Variants in ZZEF1 observed in about 807,000 individuals in gnomAD.
The protein encoded by ZZEF1 is zinc finger ZZ-type and EF-hand domain containing 1.
Under a neutral mutation model 342.8 loss-of-function variants are expected in ZZEF1, and 157 were observed. The observed-to-expected ratio is 0.46, with a 90% CI of 0.40 to 0.52. The LOEUF is 0.52. Among genes scored for constraint, ZZEF1 ranks in the 20% least tolerant of loss-of-function variants. The pLI is 0.00. For synonymous variants in ZZEF1, 1,505 were observed against 1,429.1 expected (o/e 1.05, Z -1.20); for missense variants, 3,480 against 3,725.6 (o/e 0.93, Z 1.72).
chr17:4,055,518 G>A (rs1208390315), intron 33 of ZZEF1, among the ~76,000 whole-genome samples: 1 of 152,110 alleles, frequency 6.6e-6, no homozygotes, highest in Non-Finnish European at 1.5e-5. Flanking sequence ...TATACATAAC[G>A]GCTGCTCCCA....
At chr17:4,130,596 G>A (rs754257736) in intron 1 of ZZEF1, among the ~76,000 whole-genome samples, 40 of 152,136 alleles carry the variant, frequency 2.6e-4, no homozygotes, top group Non-Finnish European at 4.1e-4. Flanking sequence ...TAAGGAAACC[G>A]GGAGAGAAAA....
At chr17:4,082,333 C>G in intron 17 of ZZEF1, 104 bp downstream of exon 17, 1 of 1,069,270 alleles carries the variant, frequency 9.4e-7, no homozygotes. Context: ...AACTGAGTGG[C>G]AGGAAGTACT....
At chr17:4,061,000 C>T (rs1304326225) in intron 30 of ZZEF1, among the ~76,000 whole-genome samples, 1 of 152,216 alleles carries the variant, frequency 6.6e-6, no homozygotes, top group Non-Finnish European at 1.5e-5. Flanking sequence ...CCTCAGTTGA[C>T]CTCACATCGC....
chr17:4,095,015 A>G (rs1027823380), intron 11 of ZZEF1, among the ~76,000 whole-genome samples: 1 of 152,062 alleles, frequency 6.6e-6, no homozygotes. Flanking sequence ...TTCCCCTCAC[A>G]TGATGCTTTA....
intron 43 of ZZEF1, among the ~76,000 whole-genome samples, chr17:4,023,723 T>G (rs1214701118): frequency 6.6e-6 from 1 of 151,500 alleles, no homozygotes; most frequent in Non-Finnish European, 1.5e-5. Context: ...TCCCAGCTAC[T>G]TGGGAGGCTG....
chr17:4,138,880 CTG>C (rs1439088171), intron 1 of ZZEF1, among the ~76,000 whole-genome samples: 6 of 152,344 alleles, frequency 3.9e-5, no homozygotes, highest in African/African-American at 1.2e-4. Context: ...TGTGAGCAAA[CTG>C]AGAGAGTCCC....
Position 4,070,888 on chromosome 17 carries a change from G to T in ZZEF1, c.3871C>A (p.Leu1291Ile). The T allele has an allele frequency of 6.2e-7, 1 of 1,613,992 alleles. No homozygotes were observed. The highest frequency in any genetic ancestry group is 8.5e-7 in the Non-Finnish European group (1 of 1,179,982). Residue 1291 changes from leucine (L) to isoleucine (I), a missense_variant, in exon 26 of 55, where the codon CTT becomes ATT. Leu to Ile is a conservative substitution (Grantham distance 5). Transcript: ENST00000381638. ...NIPDDPCRHF[L>I]LDFAQSEPAQ... ...GGCTCTGACTGGGCAAAATCAAGAAGAAAATGGCGGCAGGGGTCGTCAGGA... is the reference window on the plus strand; with the variant it reads ...GGCTCTGACTGGGCAAAATCAAGAATAAAATGGCGGCAGGGGTCGTCAGGA...
Position 4,008,976 on chromosome 17 carries a change from T to C in ZZEF1, c.8734-22A>G. The C allele has an allele frequency of 1.3e-6, 2 of 1,538,296 alleles. No individual in the cohort carries two copies. Among genetic ancestry groups the C allele is most frequent in the Non-Finnish European group, 1.7e-6 (2 of 1,146,646 alleles). On this transcript the variant is annotated intron_variant, in intron 53 of 54. Transcript: ENST00000381638. The surrounding 1 kb of genome is among the most constrained non-coding windows in gnomAD (Gnocchi z 4.2). ...GCTCCTGCAGAGAGAGAGCAGGGGC[T>C]GTGAGTGACAGCGCCAGATGCGCAG...
chr17:4,072,193 G>A lies in ZZEF1; in HGVS notation c.3834+415C>T, dbSNP rs2057523028. ...TACAGAAATAGAGGGAAGGAGAGGT[G>A]AAAAATAAAGACAGGGCAAACTTTT... On this transcript the variant is annotated intron_variant, in intron 25 of 54. Coordinates refer to ENST00000381638, the MANE Select transcript of ZZEF1 (RefSeq NM_015113.4). Among the ~76,000 whole-genome samples the A allele has an allele frequency of 2.0e-5, 3 of 151,782 alleles. No homozygotes were observed. In the South Asian group the frequency reaches 6.2e-4, roughly 32 times the overall value.
Position 4,070,926 on chromosome 17 carries a change from T to C in ZZEF1, c.3835-2A>G. On this transcript the variant is annotated splice_acceptor_variant, in intron 25 of 54. Coordinates refer to ENST00000381638, the MANE Select transcript of ZZEF1 (RefSeq NM_015113.4). LOFTEE classifies it high-confidence loss of function. ...GGGGTCGTCAGGAATGTTCTTAACC[T>C]GGAAACAAAAAATAAACCCATCACA... 1.2e-6 allele frequency: 2 copies of C among 1,605,248 alleles called. No individual in the cohort carries two copies. The highest frequency in any genetic ancestry group is 1.7e-6 in the Non-Finnish European group (2 of 1,177,034).
chr17:4,052,716 A>G (rs2057075881), intron 34 of ZZEF1, among the ~76,000 whole-genome samples: 1 of 152,162 alleles, frequency 6.6e-6, no homozygotes, highest in African/African-American at 2.4e-5. Context: ...AAAATACAAA[A>G]ATTAGCCACG....
At chr17:4,134,988 G>T (rs1759094837) in intron 1 of ZZEF1, among the ~76,000 whole-genome samples, 1 of 152,150 alleles carries the variant, frequency 6.6e-6, no homozygotes, top group African/African-American at 2.4e-5. Flanking sequence ...GGTGTGGCTG[G>T]AAAGGAACAG....
chr17:4,092,939 C>T (rs975418810), intron 11 of ZZEF1, among the ~76,000 whole-genome samples: 5 of 151,458 alleles, frequency 3.3e-5, no homozygotes, highest in African/African-American at 7.3e-5. Context: ...CTGACGAACG[C>T]CTGACCAGGA....
At chr17:4,076,473 T>C in intron 21 of ZZEF1, 164 bp downstream of exon 21, 1 of 884,476 alleles carries the variant, frequency 1.1e-6, no homozygotes, top group Non-Finnish European at 1.6e-6. Flanking sequence ...CACATCGACT[T>C]GGACTGACAT....
At chr17:4,083,455 A>G (rs954105735) in intron 16 of ZZEF1, among the ~76,000 whole-genome samples, 3 of 152,134 alleles carry the variant, frequency 2.0e-5, no homozygotes, top group African/African-American at 7.2e-5. Context: ...TGCAAATTTT[A>G]TATATAGCTG....
chr17:4,027,604 T>C (rs1413390236), intron 42 of ZZEF1, among the ~76,000 whole-genome samples: 1 of 149,130 alleles, frequency 6.7e-6, no homozygotes, highest in Non-Finnish European at 1.5e-5. Context: ...CTTTTTTTTT[T>C]TTTTTTTTTT....
chr17:4,141,539 G>A (rs977568529), intron 1 of ZZEF1, among the ~76,000 whole-genome samples: 1 of 152,160 alleles, frequency 6.6e-6, no homozygotes, highest in African/African-American at 2.4e-5. Flanking sequence ...ACAAAAAATA[G>A]GGTGCGGGTG....
rs1333710170 is a variant in ZZEF1 at position 4,070,763 on chromosome 17, A to G, written c.3996T>C (p.Thr1332=). Residue 1332 remains threonine (T), a synonymous_variant, in exon 26 of 55, where the codon ACT becomes ACC. Coordinates refer to ENST00000381638, the MANE Select transcript of ZZEF1 (RefSeq NM_015113.4). ...APKTDIVAGS[T]IDQAVNATFA... is the part of the protein sequence containing the mutation. ...AGGTGGCGTTCACAGCTTGATCAAT[A>G]GTGGAACCAGCAACTATATCTGTCT... 2 of 1,614,066 alleles carry G rather than the reference A, an allele frequency of 1.2e-6. No individual in the cohort carries two copies. Among genetic ancestry groups the G allele is most frequent in the African/African-American group, 2.7e-5 (2 of 74,926 alleles).
At chr17:4,131,807 C>T (rs1001162531) in intron 1 of ZZEF1, among the ~76,000 whole-genome samples, 35 of 151,864 alleles carry the variant, frequency 2.3e-4, no homozygotes, top group African/African-American at 8.2e-4. Flanking sequence ...AAACATGGTA[C>T]TATATGGCAC....
Sources: gnomAD v4.1 joint callset for allele counts (sites outside exome capture counted in the v4.1 genomes callset) on GRCh38, gnomAD v4.1.1 for gene constraint, Gnocchi (gnomAD v3.1) non-coding constraint, MANE v1.5 for transcripts, NCBI Gene and HGNC (gene_info 2026-07-23, HGNC 2026-07-21) for gene names.